NECAB2: variants seen among roughly 807,000 people sequenced by gnomAD.
NECAB2 encodes the protein N-terminal EF-hand calcium-binding protein 2.
In NECAB2, 68 loss-of-function variants were observed where a neutral mutation model predicts 51.9. The observed-to-expected ratio is 1.31, with a 90% CI of 1.08 to 1.60. NECAB2 has a LOEUF of 1.60. Among genes scored for constraint, NECAB2 ranks in the 40% most tolerant of loss-of-function variants. The pLI is 0.00. For synonymous variants in NECAB2, 329 were observed against 203.5 expected (o/e 1.62, Z -5.25); for missense variants, 854 against 490.3 (o/e 1.74, Z -7.00).
At position 84,001,725 on chromosome 16, in the gene NECAB2, A is replaced by C. The variant is rs2084840006; in HGVS notation, c.1041-100A>C. The C allele has an allele frequency of 2.3e-6, 3 of 1,312,868 alleles. No homozygotes were observed. In the Admixed American group the frequency reaches 5.6e-5, roughly 24 times the overall value. The allele number at this position is 1,312,868 out of a possible 1,614,324, so 81.3% of individuals were successfully genotyped here. A position where few individuals can be genotyped will look rare whatever the true frequency, so the allele number is the denominator to read the frequency against. On this transcript the variant is annotated intron_variant, in intron 11 of 12. Coordinates refer to ENST00000305202, the MANE Select transcript of NECAB2 (RefSeq NM_019065.3). Reference sequence around the variant, plus strand: ...GTCCAAAGACCCCCCGTGCTTATTGATAAGCTCCCCATTTTGGGCTAGAGC... The same window carrying C: ...GTCCAAAGACCCCCCGTGCTTATTGCTAAGCTCCCCATTTTGGGCTAGAGC...
chr16:84,001,221 G>T (rs1040534476), intron 11 of NECAB2, among the ~76,000 whole-genome samples: 1 of 151,820 alleles, frequency 6.6e-6, no homozygotes, highest in Non-Finnish European at 1.5e-5. Context: ...CGGAGATGGG[G>T]TAGGGTGTCA....
At chr16:83,975,653 A>G (rs1242848137) in intron 2 of NECAB2, among the ~76,000 whole-genome samples, 4 of 152,196 alleles carry the variant, frequency 2.6e-5, no homozygotes, top group African/African-American at 9.6e-5. Flanking sequence ...GGTTAGCATG[A>G]GGGGCCTGAC....
At chr16:83,988,514 C>G (rs1024967205) in intron 5 of NECAB2, among the ~76,000 whole-genome samples, 37 of 152,250 alleles carry the variant, frequency 2.4e-4, no homozygotes, top group African/African-American at 5.5e-4. Context: ...TGAAATTAAA[C>G]CATTAGTGGT....
intron 1 of NECAB2, among the ~76,000 whole-genome samples, 170 bp downstream of exon 1, chr16:83,969,019 C>G (rs1422450307): frequency 2.6e-5 from 4 of 151,498 alleles, no homozygotes; most frequent in African/African-American, 4.8e-5. Context: ...CCGCCACGTC[C>G]AGGCCGGTCT....
chr16:83,988,352 C>G (rs184201748), intron 5 of NECAB2, among the ~76,000 whole-genome samples: 13 of 152,234 alleles, frequency 8.5e-5, no homozygotes, highest in Admixed American at 2.0e-4. Context: ...TTCACTTCAT[C>G]AGTTACTTTA....
At chr16:83,980,716 T>A in intron 3 of NECAB2, 123 bp from the exon 4 acceptor site, 2 of 1,325,148 alleles carry the variant, frequency 1.5e-6, no homozygotes, top group Non-Finnish European at 2.1e-6. Context: ...AAGGCGGAGC[T>A]TGTGGGGCCA....
At chr16:83,969,139 G>T (rs2084322039) in intron 1 of NECAB2, among the ~76,000 whole-genome samples, 2 of 149,906 alleles carry the variant, frequency 1.3e-5, no homozygotes, top group Admixed American at 1.3e-4. Context: ...CCCCGGACCC[G>T]GCCACTGTCC....
intron 6 of NECAB2, among the ~76,000 whole-genome samples, chr16:83,992,260 C>T (rs2084635319): frequency 6.6e-6 from 1 of 151,962 alleles, no homozygotes; most frequent in South Asian, 2.1e-4. Context: ...CATGGGAATG[C>T]ATCTGGGGTC....
rs943193945 is a variant in NECAB2, at chr16:83,978,315, A to T, written c.227-129A>T. ...TAGTTTGGGGATTAGCTGGGAGGGTAGGGATTATCTGAGCTGCAGTTGTTC... is the reference window on the plus strand; with the variant it reads ...TAGTTTGGGGATTAGCTGGGAGGGTTGGGATTATCTGAGCTGCAGTTGTTC... On this transcript the variant is annotated intron_variant, in intron 2 of 12. Transcript: ENST00000305202. 30 of 680,586 alleles carry T rather than the reference A, an allele frequency of 4.4e-5. No individual in the cohort carries two copies. The African/African-American group carries it at 5.5e-4, about 12-fold the overall frequency. The allele number at this position is 680,586 out of a possible 1,614,324, so 42.2% of individuals were successfully genotyped here. A position where few individuals can be genotyped will look rare whatever the true frequency, so the allele number is the denominator to read the frequency against.
chr16:83,989,386 C>G (rs1218316781), intron 5 of NECAB2, among the ~76,000 whole-genome samples: 2 of 152,228 alleles, frequency 1.3e-5, no homozygotes, highest in African/African-American at 4.8e-5. Flanking sequence ...TGTGCCCCTC[C>G]TCCTCCTCTG....
chr16:83,979,972 A>G (rs2084463350), intron 3 of NECAB2, among the ~76,000 whole-genome samples: 1 of 152,186 alleles, frequency 6.6e-6, no homozygotes, highest in African/African-American at 2.4e-5. Flanking sequence ...AGGACTTGCC[A>G]GAACTCTGAA....
chr16:84,000,531 C>T (rs544152134), intron 10 of NECAB2, among the ~76,000 whole-genome samples, 193 bp from the exon 11 acceptor site: 2 of 152,250 alleles, frequency 1.3e-5, no homozygotes, highest in East Asian at 3.9e-4. Flanking sequence ...TAGCTGTTGG[C>T]CACTATAAGA....
chr16:83,995,764 T>G (rs555457183), intron 8 of NECAB2, among the ~76,000 whole-genome samples: 91 of 152,240 alleles, frequency 6.0e-4, no homozygotes, highest in African/African-American at 1.9e-3. Context: ...GAGGCTGACG[T>G]GGAATGAAGT....
intron 10 of NECAB2, among the ~76,000 whole-genome samples, chr16:83,999,147 G>A (rs1271864341): frequency 5.3e-5 from 8 of 152,196 alleles, no homozygotes; most frequent in Non-Finnish European, 1.2e-4. Context: ...CCTGTGCACT[G>A]AGGCTTGAGT....
At chr16:83,995,755 A>C (rs4782871) in intron 8 of NECAB2, among the ~76,000 whole-genome samples, 26,945 of 152,118 alleles carry the variant, frequency 0.18, 3,851 homozygotes, top group African/African-American at 0.4. Flanking sequence ...AGGGAGACAG[A>C]GGCTGACGTG....
intron 8 of NECAB2, among the ~76,000 whole-genome samples, chr16:83,996,251 T>G (rs1005660539): frequency 6.6e-6 from 1 of 152,180 alleles, no homozygotes; most frequent in Non-Finnish European, 1.5e-5. Flanking sequence ...TGTAAAACCA[T>G]GGAAACAGAC....
Position 84,001,860 on chromosome 16 carries a change from A to G in NECAB2, c.1076A>G (p.His359Arg). 7 of 1,614,124 alleles carry G rather than the reference A, an allele frequency of 4.3e-6. No homozygotes were observed. Among genetic ancestry groups the G allele is most frequent in the Non-Finnish European group, 5.9e-6 (7 of 1,179,992 alleles). Residue 359 changes from histidine to arginine, a missense_variant, in exon 12 of 13, where the codon CAC becomes CGC. Transcript: ENST00000305202. ...LQSPLCKAFR[H>R]VKVDTLSQPE... ...AGCCCCCTGTGTAAGGCGTTCCGGC[A>G]CGTCAAGGTGGACACACTGAGCCAG... is the stretch of plus-strand genomic sequence containing the variant.
chr16:83,994,643 C>G lies in NECAB2; in HGVS notation c.750C>G (p.Ala250=), dbSNP rs771683852. The G allele has an allele frequency of 8.1e-6, 13 of 1,614,096 alleles. No homozygotes were observed. The highest frequency in any genetic ancestry group is 1.1e-5 in the Non-Finnish European group (13 of 1,180,034). Residue 250 remains alanine (A), a synonymous_variant, in exon 8 of 13, where the codon GCC becomes GCG. Coordinates refer to ENST00000305202, the MANE Select transcript of NECAB2 (RefSeq NM_019065.3). ...TEDAKEEGLE[A]QISRLAELIG... ...ATGCAAAGGAAGAGGGTCTGGAAGC[C>G]CAGATCAGCCGCTTGGCAGAGCTGA...
intron 5 of NECAB2, among the ~76,000 whole-genome samples, chr16:83,982,169 A>G (rs2084496968): frequency 6.6e-6 from 1 of 152,156 alleles, no homozygotes; most frequent in Admixed American, 6.6e-5. Context: ...GCTCAGCCAG[A>G]TATTAAAACC....
Sources: allele counts gnomAD v4.1 joint callset (sites outside exome capture counted in the v4.1 genomes callset), GRCh38; gene constraint gnomAD v4.1.1; transcripts MANE v1.5; gene names NCBI Gene and HGNC (gene_info 2026-07-23, HGNC 2026-07-21).